Variants in MIPOL1 observed in about 807,000 individuals in gnomAD.
MIPOL1 encodes mirror-image polydactyly gene 1 protein.
A neutral mutation model predicts 60.9 loss-of-function variants in MIPOL1; 57 were observed. The ratio of observed to expected loss-of-function variants is 0.94; its 90% confidence interval spans 0.76 to 1.17. The LOEUF is 1.17. Ranked by LOEUF, MIPOL1 falls within the 50% of genes most tolerant of loss-of-function variation. The pLI is 0.00. For synonymous variants in MIPOL1, 179 were observed against 168.8 expected (o/e 1.06, Z -0.47); for missense variants, 551 against 511.6 (o/e 1.08, Z -0.74).
chr14:37,334,223 TA>T, intron 9 of MIPOL1, among the ~76,000 whole-genome samples: 1 of 152,214 alleles, frequency 6.6e-6, no homozygotes, highest in African/African-American at 2.4e-5. Context: ...CAAGTTTTGA[TA>T]AATTGCATTT....
chr14:37,497,420 T>C (rs935079045), intron 11 of MIPOL1, among the ~76,000 whole-genome samples: 1 of 152,240 alleles, frequency 6.6e-6, no homozygotes, highest in African/African-American at 2.4e-5. Context: ...AGGCCATATA[T>C]GTAAAGTTAA....
At chr14:37,316,676 G>A (rs1323869760) in intron 9 of MIPOL1, among the ~76,000 whole-genome samples, 1 of 150,400 alleles carries the variant, frequency 6.6e-6, no homozygotes. Context: ...CCAGGAAAAA[G>A]GAAAAGTGAT....
chr14:37,524,989 G>C (rs941853748), intron 12 of MIPOL1, among the ~76,000 whole-genome samples: 1 of 152,158 alleles, frequency 6.6e-6, no homozygotes, highest in African/African-American at 2.4e-5. Context: ...ATGGACAGCT[G>C]CTAAAATATT....
In MIPOL1 at chr14:37,441,716, G is replaced by T. The variant is rs113759331; in HGVS notation, c.1031+18767G>T. 5.8e-4 allele frequency among the ~76,000 whole-genome samples: 88 copies of T among 151,614 alleles called. 1 individual carries two copies. Among genetic ancestry groups the T allele is most frequent in the African/African-American group, 2.0e-3 (84 of 41,408 alleles). ...TTTGTTTTGTTTTCTGTTTTTTGGGGTTTTTTGCTTAGGATTACTTTAGTT... is the reference window on the plus strand; with the variant it reads ...TTTGTTTTGTTTTCTGTTTTTTGGGTTTTTTTGCTTAGGATTACTTTAGTT... On this transcript the variant is annotated intron_variant, in intron 11 of 12. Coordinates refer to ENST00000684589, the MANE Select transcript of MIPOL1 (RefSeq NM_001388067.1).
chr14:37,226,869 T>G (rs1234759370), intron 1 of MIPOL1, among the ~76,000 whole-genome samples: 3 of 152,166 alleles, frequency 2.0e-5, no homozygotes, highest in Non-Finnish European at 2.9e-5. Context: ...TTCTGGGTAG[T>G]GTGAGAAATA....
At chr14:37,475,476 AC>A (rs1259308023) in intron 11 of MIPOL1, among the ~76,000 whole-genome samples, 1 of 152,074 alleles carries the variant, frequency 6.6e-6, no homozygotes, top group Non-Finnish European at 1.5e-5. Context: ...TTTTGGTGAT[AC>A]ATCTAACAAC....
chr14:37,293,015 C>A (rs1039488266), intron 7 of MIPOL1, among the ~76,000 whole-genome samples: 16 of 152,090 alleles, frequency 1.1e-4, no homozygotes, highest in Admixed American at 8.5e-4. Context: ...CTATACGTAT[C>A]CTAATTTCAT....
At chr14:37,476,326 G>GT (rs925410677) in intron 11 of MIPOL1, among the ~76,000 whole-genome samples, 7 of 151,594 alleles carry the variant, frequency 4.6e-5, no homozygotes, top group African/African-American at 7.3e-5. Context: ...GGTCTGGAAT[G>GT]TTTTTTTTCA....
At chr14:37,401,038 G>A (rs572531296) in intron 10 of MIPOL1, 3 of 152,056 alleles carry the variant, frequency 2.0e-5, no homozygotes, top group Non-Finnish European at 2.9e-5. Context: ...TTGAAGGAGT[G>A]ATAAAAATGA....
At chr14:37,394,552 G>A (rs1442294455) in intron 10 of MIPOL1, among the ~76,000 whole-genome samples, 2 of 151,802 alleles carry the variant, frequency 1.3e-5, no homozygotes, top group African/African-American at 4.8e-5. Flanking sequence ...TTGGCCATTT[G>A]TATATCTTCT....
chr14:37,518,245 T>G (rs139916888), intron 12 of MIPOL1, among the ~76,000 whole-genome samples: 143 of 152,322 alleles, frequency 9.4e-4, no homozygotes, highest in African/African-American at 3.3e-3. Flanking sequence ...GAAATAAATG[T>G]TATTAGGAAC....
chr14:37,380,057 A>C (rs2092884657), intron 10 of MIPOL1, among the ~76,000 whole-genome samples: 1 of 152,092 alleles, frequency 6.6e-6, no homozygotes, highest in Admixed American at 6.6e-5. Flanking sequence ...CTGAAAGGGA[A>C]GGGAGCTAAG....
At chr14:37,447,235 A>G (rs537241078) in intron 11 of MIPOL1, among the ~76,000 whole-genome samples, 1 of 152,146 alleles carries the variant, frequency 6.6e-6, no homozygotes, top group African/African-American at 2.4e-5. Flanking sequence ...GTAAAAAATT[A>G]ACATTAACCC....
chr14:37,226,509 A>G (rs753900804), intron 1 of MIPOL1, among the ~76,000 whole-genome samples: 4 of 152,162 alleles, frequency 2.6e-5, no homozygotes, highest in Non-Finnish European at 5.9e-5. Context: ...ATCTCATGAG[A>G]CTTATTCACT....
At chr14:37,266,805 A>G in intron 3 of MIPOL1, 133 bp from the exon 4 acceptor site, 2 of 665,430 alleles carry the variant, frequency 3.0e-6, no homozygotes, top group Non-Finnish European at 5.1e-6. Flanking sequence ...TTATCTGATT[A>G]CAGTAGGAGT....
At chr14:37,377,460 C>T (rs2092807255) in intron 10 of MIPOL1, among the ~76,000 whole-genome samples, 1 of 152,102 alleles carries the variant, frequency 6.6e-6, no homozygotes, top group African/African-American at 2.4e-5. Flanking sequence ...AACCTCTTAG[C>T]CAATGAGCCA....
chr14:37,234,628 C>G (rs925944220), intron 1 of MIPOL1, among the ~76,000 whole-genome samples: 1 of 152,088 alleles, frequency 6.6e-6, no homozygotes, highest in African/African-American at 2.4e-5. Flanking sequence ...AGGCACCACA[C>G]CTGGACCCAA....
At chr14:37,392,095 G>A (rs2093260725) in intron 10 of MIPOL1, among the ~76,000 whole-genome samples, 1 of 150,950 alleles carries the variant, frequency 6.6e-6, no homozygotes, top group African/African-American at 2.4e-5. Flanking sequence ...TACTTTCCTT[G>A]CTTTTATTTG....
At chr14:37,316,103 C>T (rs2415394) in intron 9 of MIPOL1, among the ~76,000 whole-genome samples, 142,745 of 151,578 alleles carry the variant, frequency 0.94, 67,611 homozygotes, top group East Asian at 1. Context: ...ATAAGCTCAC[C>T]GCAACCTCTC....
Sources: gnomAD v4.1 joint callset for allele counts (sites outside exome capture counted in the v4.1 genomes callset) on GRCh38, gnomAD v4.1.1 for gene constraint, MANE v1.5 for transcripts, NCBI Gene and HGNC (gene_info 2026-07-23, HGNC 2026-07-21) for gene names.